RBM19: variants seen among roughly 807,000 people sequenced by gnomAD.
RBM19 encodes RNA binding motif protein 19, also known as probable RNA-binding protein 19.
RBM19 carries 94 observed loss-of-function variants against 116.8 expected under a neutral mutation model. The observed-to-expected ratio is 0.80, with a 90% confidence interval of 0.68 to 0.95. RBM19 has a LOEUF of 0.95. Among genes scored for constraint, RBM19 ranks in the 40% least tolerant of loss-of-function variants. The probability of loss-of-function intolerance (pLI) is 0.00; values close to 1 mark genes in which losing one functional copy is unlikely to be tolerated. For synonymous variants in RBM19, 475 were observed against 494.1 expected, an observed-to-expected ratio of 0.96 and a Z score of 0.51; for missense variants, 1,161 against 1,220.7, an observed-to-expected ratio of 0.95 and a Z score of 0.73.
chr12:113,861,537 T>C (rs964054668), intron 21 of RBM19, among the ~76,000 whole-genome samples: 4 of 84,888 alleles, frequency 4.7e-5, no homozygotes, highest in Admixed American at 2.5e-4. Flanking sequence ...GGTCGGGGGG[T>C]GGTGGTGTGA....
In RBM19 at chr12:113,920,611, C is replaced by G; in HGVS notation, c.2385G>C (p.Gln795His). The G allele has an allele frequency of 6.2e-7, 1 of 1,613,764 alleles. No homozygotes were observed. The highest frequency in any genetic ancestry group is 8.5e-7 in the Non-Finnish European group (1 of 1,179,700). The change falls in exon 19 of 24, where the codon CAG (glutamine) becomes CAC (histidine). Residue 795 changes from glutamine (Q) to histidine (H), a missense_variant and splice_region_variant. By Grantham distance (24) the Gln-to-His change is conservative. Transcript: ENST00000261741. ...CCTCAGCTGAGAATCTTCACTTTACCTGGAGCTGCTTGAGAGCTTTCTGGG... is the reference window on the plus strand; with the variant it reads ...CCTCAGCTGAGAATCTTCACTTTACGTGGAGCTGCTTGAGAGCTTTCTGGG... ...EQAQKALKQL[Q>H]GHVVDGHKLE...
intron 23 of RBM19, among the ~76,000 whole-genome samples, chr12:113,827,092 G>A (rs1012905381): frequency 2.0e-5 from 3 of 152,142 alleles, no homozygotes; most frequent in African/African-American, 4.8e-5. Flanking sequence ...TGTTTGCAGC[G>A]AACAGCTGCT....
At position 113,957,905 on chromosome 12, in the gene RBM19, C is replaced by A. The variant is rs767866439; in HGVS notation, c.717G>T (p.Gly239=). 6.2e-7 allele frequency: 1 copy of A among 1,614,170 alleles called. No individual in the cohort carries two copies. Among genetic ancestry groups the A allele is most frequent in the East Asian group, 2.2e-5 (1 of 44,878 alleles). ...AGGAATCCTCTTCCTCGGCCTCACT[C>A]CCTTCATCACAGTGCACGGCTTCAT... ...SEDEAVHCDE[G]SEAEEEDSSA... The change falls in exon 6 of 24, where the codon GGG becomes GGT. Residue 239 remains glycine, a synonymous_variant. Transcript: ENST00000261741.
chr12:113,884,118 A>AAAAAAAAAAC (rs1251095769), intron 21 of RBM19, among the ~76,000 whole-genome samples: 1 of 148,110 alleles, frequency 6.8e-6, no homozygotes, highest in Non-Finnish European at 1.5e-5. Context: ...CTACCAAAAA[A>AAAAAAAAAAC]AAAAAAAAAC....
chr12:113,893,978 C>G (rs1015358288), intron 21 of RBM19, among the ~76,000 whole-genome samples: 1 of 152,148 alleles, frequency 6.6e-6, no homozygotes, highest in Non-Finnish European at 1.5e-5. Context: ...AGAGCGCAGG[C>G]GAGCAAGGTG....
chr12:113,848,935 G>A (rs188056828), intron 22 of RBM19, among the ~76,000 whole-genome samples: 2 of 152,266 alleles, frequency 1.3e-5, no homozygotes, highest in African/African-American at 2.4e-5. Context: ...CTAGCTCCAC[G>A]GCACTCCAAG....
chr12:113,873,689 T>TAAAAAAA (rs146761765), intron 21 of RBM19, among the ~76,000 whole-genome samples: 4 of 127,684 alleles, frequency 3.1e-5, no homozygotes, highest in East Asian at 2.3e-4. Context: ...AAAAATAAAT[T>TAAAAAAA]AAAAAAAAAA....
intron 21 of RBM19, among the ~76,000 whole-genome samples, chr12:113,913,963 G>A (rs142655620): frequency 6.6e-6 from 1 of 152,052 alleles, no homozygotes; most frequent in Non-Finnish European, 1.5e-5. Context: ...GCCTTGGGTG[G>A]GGGGGCCTTG....
chr12:113,954,468 T>C (rs2135933374), intron 7 of RBM19, among the ~76,000 whole-genome samples: 1 of 152,334 alleles, frequency 6.6e-6, no homozygotes, highest in Non-Finnish European at 1.5e-5. Context: ...TTGGAGTCGT[T>C]AGACCTGCGG....
intron 21 of RBM19, among the ~76,000 whole-genome samples, chr12:113,862,396 G>A (rs145456460): frequency 3.5e-4 from 53 of 152,102 alleles, no homozygotes; most frequent in African/African-American, 1.2e-3. Flanking sequence ...TAACGGTGTG[G>A]GATCATATAA....
In RBM19 at chr12:113,940,034, C is replaced by T. The variant is rs779598096; in HGVS notation, c.1864G>A (p.Gly622Arg). The stretch of plus-strand genomic sequence containing the variant: ...AGGAACTCCACGATGGCAGTGATTC[C>T]GCCCTCTGGCAGCAGCACGCGGCCC... ...SLGRVLLPEG[G>R]ITAIVEFLEP... Residue 622 changes from glycine (G) to arginine (R), a missense_variant, in exon 15 of 24, where the codon GGA (glycine) becomes AGA (arginine). By Grantham distance (125) the Gly-to-Arg change is moderately radical. Transcript: ENST00000261741. 1.7e-5 allele frequency: 28 copies of T among 1,613,988 alleles called. No homozygotes were observed. The highest frequency in any genetic ancestry group is 1.6e-4 in the East Asian group (7 of 44,882).
At chr12:113,841,225 T>C (rs1324204702) in intron 23 of RBM19, among the ~76,000 whole-genome samples, 1 of 152,212 alleles carries the variant, frequency 6.6e-6, no homozygotes, top group Non-Finnish European at 1.5e-5. Flanking sequence ...GGGCCTTCTA[T>C]GAGCACATGC....
chr12:113,859,886 A>G (rs1232898810), intron 21 of RBM19, among the ~76,000 whole-genome samples: 2 of 152,206 alleles, frequency 1.3e-5, no homozygotes, highest in Non-Finnish European at 2.9e-5. Context: ...CTTCGGGGCC[A>G]AAGACTGATT....
intron 13 of RBM19, among the ~76,000 whole-genome samples, chr12:113,944,130 C>T (rs1230343721): frequency 1.8e-5 from 2 of 110,292 alleles, no homozygotes; most frequent in African/African-American, 7.8e-5. Context: ...GGCAGACTCT[C>T]GCTCTGTCAC....
chr12:113,828,592 C>T (rs986824426), intron 23 of RBM19, among the ~76,000 whole-genome samples: 2 of 152,172 alleles, frequency 1.3e-5, no homozygotes, highest in African/African-American at 2.4e-5. Flanking sequence ...CCACAATCTT[C>T]AGACTCAGTG....
chr12:113,938,466 G>A (rs1448360413), intron 15 of RBM19, among the ~76,000 whole-genome samples: 10 of 122,284 alleles, frequency 8.2e-5, no homozygotes, highest in Middle Eastern at 7.4e-3. Context: ...ATTGCTGGGG[G>A]GGACATGAAT....
chr12:113,888,582 CAT>C (rs1880716299), intron 21 of RBM19, among the ~76,000 whole-genome samples: 2 of 152,002 alleles, frequency 1.3e-5, no homozygotes, highest in Admixed American at 6.5e-5. Context: ...TTAAGAGAAA[CAT>C]GTGAGAGGAC....
intron 11 of RBM19, among the ~76,000 whole-genome samples, chr12:113,947,108 G>A (rs1871092218): frequency 6.6e-6 from 1 of 152,228 alleles, no homozygotes; most frequent in African/African-American, 2.4e-5. Flanking sequence ...CCAGACAGAG[G>A]TGTAGGTGCC....
chr12:113,939,624 C>T (rs1161819933), intron 15 of RBM19, among the ~76,000 whole-genome samples: 1 of 152,046 alleles, frequency 6.6e-6, no homozygotes, highest in African/African-American at 2.4e-5. Context: ...GTGGCGGGTG[C>T]CTGTAGTCCC....
Sources: allele counts gnomAD v4.1 joint callset (sites outside exome capture counted in the v4.1 genomes callset), GRCh38; gene constraint gnomAD v4.1.1; transcripts MANE v1.5; gene names NCBI Gene and HGNC (gene_info 2026-07-23, HGNC 2026-07-21).